The following FSHR variants were observed in gnomAD, a reference collection of about 807,000 sequenced individuals.
The protein encoded by FSHR is follicle stimulating hormone receptor, also known as follicle-stimulating hormone receptor.
FSHR carries 46 observed loss-of-function variants against 52.1 expected under a neutral mutation model. The observed-to-expected ratio is 0.88, with a 90% CI of 0.70 to 1.13. FSHR has a LOEUF of 1.13. Ranked by LOEUF, FSHR falls within the 50% of genes most tolerant of loss-of-function variation. The pLI, the probability that FSHR is intolerant of heterozygous loss-of-function variation, is 0.00. For missense variants in FSHR, 964 were observed against 834.6 expected (o/e 1.16, Z -1.91); for synonymous variants, 399 against 309.6 (o/e 1.29, Z -3.03).
chr2:49,069,127 G>A (rs910461701), intron 1 of FSHR, among the ~76,000 whole-genome samples: 3 of 152,006 alleles, frequency 2.0e-5, no homozygotes, highest in Non-Finnish European at 4.4e-5. Context: ...AAAAATCAAA[G>A]TTGTTTACAA....
At chr2:48,964,110 A>C (rs552003896) in intron 9 of FSHR, 144 bp from the exon 10 acceptor site, 1 of 704,568 alleles carries the variant, frequency 1.4e-6, no homozygotes, top group South Asian at 1.8e-5. Flanking sequence ...CCTTGAGGCT[A>C]ACCTCAAGGG....
intron 1 of FSHR, among the ~76,000 whole-genome samples, chr2:49,132,491 A>G (rs915296036): frequency 6.6e-6 from 1 of 152,148 alleles, no homozygotes; most frequent in Non-Finnish European, 1.5e-5. Context: ...ATGTCTGCCA[A>G]AAAGAACAGT....
Position 49,124,497 on chromosome 2 carries a change from C to T in FSHR, c.152+29769G>A, listed in dbSNP as rs1359429981. Among the ~76,000 whole-genome samples, 4 of 152,052 alleles carry T rather than the reference C, an allele frequency of 2.6e-5. No individual in the cohort carries two copies. The East Asian group carries it at 5.8e-4, about 22-fold the overall frequency. On this transcript the variant is annotated intron_variant, in intron 1 of 9. Coordinates refer to ENST00000406846, the MANE Select transcript of FSHR (RefSeq NM_000145.4). ...TTACGCCTATCTCATGATCTTCATC[C>T]TCCCTGCCTTGTTTCTCCTGTGTTC...
intron 1 of FSHR, among the ~76,000 whole-genome samples, chr2:49,096,449 A>G (rs1670824846): frequency 6.6e-6 from 1 of 152,214 alleles, no homozygotes. Context: ...GCCATTGGCT[A>G]GGGGGAGAAG....
intron 3 of FSHR, among the ~76,000 whole-genome samples, chr2:49,019,536 A>G (rs1667615920): frequency 6.6e-6 from 1 of 152,236 alleles, no homozygotes. Context: ...AAGGATCATT[A>G]TAACATACAC....
intron 1 of FSHR, among the ~76,000 whole-genome samples, chr2:49,071,280 C>T (rs1009154197): frequency 1.3e-5 from 2 of 152,040 alleles, no homozygotes; most frequent in Non-Finnish European, 2.9e-5. Flanking sequence ...TAAATTAAAA[C>T]TGTAGAGCCA....
At chr2:49,116,580 T>TA (rs1383724210) in intron 1 of FSHR, among the ~76,000 whole-genome samples, 3 of 152,190 alleles carry the variant, frequency 2.0e-5, no homozygotes, top group Admixed American at 6.5e-5. Flanking sequence ...GCACTGTGCC[T>TA]AACACATGGC....
intron 8 of FSHR, among the ~76,000 whole-genome samples, chr2:48,970,147 A>G (rs1674673617): frequency 6.6e-6 from 1 of 152,218 alleles, no homozygotes; most frequent in South Asian, 2.1e-4. Context: ...AATCTGGTGA[A>G]AATTACATTT....
In FSHR at chr2:48,981,703, AT is replaced by A. The variant is rs532966255; in HGVS notation, c.668+1208del. 4.5e-3 allele frequency among the ~76,000 whole-genome samples: 691 copies of A among 152,318 alleles called. 2 individuals are homozygous for A. Among genetic ancestry groups the A allele is most frequent in the Non-Finnish European group, 6.7e-3 (458 of 68,032 alleles). On this transcript the variant is annotated intron_variant, in intron 8 of 9. Coordinates refer to ENST00000406846, the MANE Select transcript of FSHR (RefSeq NM_000145.4). ...ACACCCTTTATCATTAATAATAAAT[AT>A]TTAAAATTCTGACTCTCCATACCAA...
At chr2:48,986,948 T>TA (rs776654337) in intron 6 of FSHR, among the ~76,000 whole-genome samples, 3 of 152,156 alleles carry the variant, frequency 2.0e-5, no homozygotes, top group Non-Finnish European at 4.4e-5. Context: ...ATATTTTCTA[T>TA]AAAAAAATTG....
At chr2:49,151,387 A>G (rs530431415) in intron 1 of FSHR, among the ~76,000 whole-genome samples, 3 of 152,242 alleles carry the variant, frequency 2.0e-5, no homozygotes, top group East Asian at 3.9e-4. Flanking sequence ...TGTACAAAAC[A>G]TACTGCATAA....
chr2:49,109,721 T>C (rs1671357571), intron 1 of FSHR, among the ~76,000 whole-genome samples: 1 of 152,170 alleles, frequency 6.6e-6, no homozygotes, highest in South Asian at 2.1e-4. Context: ...CTTCTAAAAA[T>C]CTTCTCCAGT....
intron 1 of FSHR, among the ~76,000 whole-genome samples, chr2:49,114,668 G>T (rs975494745): frequency 3.9e-5 from 6 of 152,282 alleles, no homozygotes; most frequent in Non-Finnish European, 1.5e-5. Flanking sequence ...CTTGGAGAGT[G>T]TAGTAAAGAC....
intron 8 of FSHR, among the ~76,000 whole-genome samples, chr2:48,970,583 C>G (rs1347129404): frequency 1.3e-5 from 2 of 152,064 alleles, no homozygotes; most frequent in Non-Finnish European, 2.9e-5. Context: ...TCTGACTATA[C>G]CCAATCTTTT....
At chr2:49,018,833 G>GCACA (rs70946842) in intron 3 of FSHR, among the ~76,000 whole-genome samples, 4 of 151,326 alleles carry the variant, frequency 2.6e-5, no homozygotes, top group Non-Finnish European at 4.4e-5. Flanking sequence ...ACACGCGCAT[G>GCACA]CACACACACA....
chr2:48,976,505 T>A (rs1436445129), intron 8 of FSHR, among the ~76,000 whole-genome samples: 3 of 152,216 alleles, frequency 2.0e-5, no homozygotes, highest in Non-Finnish European at 4.4e-5. Flanking sequence ...ACAAAATGAG[T>A]TAGAGAGGAG....
intron 8 of FSHR, among the ~76,000 whole-genome samples, chr2:48,977,128 C>T (rs867538490): frequency 7.3e-5 from 11 of 151,656 alleles, no homozygotes; most frequent in African/African-American, 2.7e-4. Flanking sequence ...CCTCTCCTCT[C>T]TCTCTCTCTC....
chr2:49,052,029 A>G (rs905929873), intron 2 of FSHR, among the ~76,000 whole-genome samples: 2 of 152,182 alleles, frequency 1.3e-5, no homozygotes, highest in Non-Finnish European at 2.9e-5. Flanking sequence ...TCATTTTATA[A>G]TACAGGTAGA....
intron 2 of FSHR, among the ~76,000 whole-genome samples, chr2:49,020,803 T>C (rs1055140602): frequency 6.6e-6 from 1 of 152,220 alleles, no homozygotes; most frequent in East Asian, 1.9e-4. Flanking sequence ...AAAATACACA[T>C]ATGTTTGTTG....
Sources: gnomAD v4.1 joint callset for allele counts (sites outside exome capture counted in the v4.1 genomes callset) on GRCh38, gnomAD v4.1.1 for gene constraint, MANE v1.5 for transcripts, NCBI Gene and HGNC (gene_info 2026-07-23, HGNC 2026-07-21) for gene names.